Variants in PRELID3A observed in about 807,000 individuals in gnomAD.
PRELID3A encodes PRELI domain containing protein 3A.
Under a neutral mutation model 23.0 loss-of-function variants are expected in PRELID3A, and 27 were observed. The observed-to-expected ratio is 1.17, with a 90% confidence interval of 0.87 to 1.62. The LOEUF (loss-of-function observed/expected upper bound fraction) is 1.62, where lower values mean the gene tolerates loss of function less well. Among genes scored for constraint, PRELID3A ranks in the 40% most tolerant of loss-of-function variants. The pLI, the probability that PRELID3A is intolerant of heterozygous loss-of-function variation, is 0.00. For missense variants in PRELID3A, 231 were observed against 231.4 expected (o/e 1.00, Z 0.01); for synonymous variants, 87 against 86.4 (o/e 1.01, Z -0.04).
At chr18:12,409,083 G>C (rs1200728229) in intron 1 of PRELID3A, among the ~76,000 whole-genome samples, 1 of 151,254 alleles carries the variant, frequency 6.6e-6, no homozygotes, top group East Asian at 1.9e-4. Flanking sequence ...AGTACTGCGT[G>C]GAAGGAAATT....
Position 12,408,092 on chromosome 18 carries a change from C to T in PRELID3A, c.32+85C>T, listed in dbSNP as rs889318120. On this transcript the variant is annotated intron_variant, in intron 1 of 6. Coordinates refer to ENST00000440960, the MANE Select transcript of PRELID3A (RefSeq NM_001142405.2). ...CCGGCTGGAGCGGTCCAGGAAAGGCCGGACCTCACAGCGGGCCTCGCGGAG... is the reference window on the plus strand; with the variant it reads ...CCGGCTGGAGCGGTCCAGGAAAGGCTGGACCTCACAGCGGGCCTCGCGGAG... The T allele has an allele frequency of 1.7e-5, 20 of 1,147,720 alleles. No homozygotes were observed. The South Asian group carries it at 3.0e-4, about 17-fold the overall frequency. The allele number at this position is 1,147,720 out of a possible 1,614,324, so 71.1% of individuals were successfully genotyped here.
intron 1 of PRELID3A, among the ~76,000 whole-genome samples, chr18:12,414,202 C>T (rs1432823948): frequency 6.6e-6 from 1 of 151,908 alleles, no homozygotes; most frequent in Non-Finnish European, 1.5e-5. Flanking sequence ...TTCCCTCACA[C>T]AGAATATCAA....
chr18:12,420,275 GCGGCCC>G, intron 1 of PRELID3A, 44 bp from the exon 2 acceptor site: 1 of 1,541,206 alleles, frequency 6.5e-7, no homozygotes, highest in Non-Finnish European at 8.8e-7. Flanking sequence ...CTTCACCCTT[GCGGCCC>G]CGGCCCCGGC....
intron 5 of PRELID3A, among the ~76,000 whole-genome samples, chr18:12,427,550 C>T (rs541235914): frequency 4.6e-5 from 7 of 152,126 alleles, no homozygotes; most frequent in Non-Finnish European, 8.8e-5. Context: ...CAAAAATTAG[C>T]TGGGCATAGT....
At chr18:12,411,915 T>TC (rs1358301184) in intron 1 of PRELID3A, among the ~76,000 whole-genome samples, 17 of 149,640 alleles carry the variant, frequency 1.1e-4, no homozygotes, top group African/African-American at 3.9e-4. Flanking sequence ...TTTCTTTCTT[T>TC]TTTTTTTTTT....
chr18:12,424,544 C>T (rs1434983067), intron 3 of PRELID3A, among the ~76,000 whole-genome samples: 1 of 152,174 alleles, frequency 6.6e-6, no homozygotes, highest in East Asian at 1.9e-4. Flanking sequence ...ATGTAACGCC[C>T]ATACACGTGA....
chr18:12,421,189 C>T (rs992879381), intron 2 of PRELID3A: 3 of 241,216 alleles, frequency 1.2e-5, no homozygotes, highest in Non-Finnish European at 7.9e-6. Context: ...CTGCTGCCCC[C>T]AGCCTGACAC....
chr18:12,413,959 A>G (rs1324645606), intron 1 of PRELID3A, among the ~76,000 whole-genome samples: 1 of 152,210 alleles, frequency 6.6e-6, no homozygotes, highest in African/African-American at 2.4e-5. Context: ...GCACAGGCTT[A>G]CTTTGTTAAT....
intron 3 of PRELID3A, among the ~76,000 whole-genome samples, chr18:12,422,011 C>T (rs532566657): frequency 3.3e-5 from 5 of 152,010 alleles, no homozygotes; most frequent in African/African-American, 1.2e-4. Flanking sequence ...GTGGTCATAG[C>T]TCAGTGCAGC....
chr18:12,430,184 G>A (rs528001097), intron 6 of PRELID3A, among the ~76,000 whole-genome samples: 1 of 152,234 alleles, frequency 6.6e-6, no homozygotes, highest in Non-Finnish European at 1.5e-5. Flanking sequence ...CAAGCCAGGG[G>A]TGGCCATGGG....
chr18:12,413,037 C>T (rs993661427), intron 1 of PRELID3A, among the ~76,000 whole-genome samples: 2 of 152,102 alleles, frequency 1.3e-5, no homozygotes, highest in South Asian at 2.1e-4. Flanking sequence ...TGGATAAACC[C>T]CAGCCTCACA....
chr18:12,421,487 T>C, intron 2 of PRELID3A, 53 bp from the exon 3 acceptor site: 1 of 1,050,596 alleles, frequency 9.5e-7, no homozygotes, highest in Non-Finnish European at 1.5e-6. Flanking sequence ...TCGGTGGTGA[T>C]ATGAAGTAGA....
At chr18:12,421,066 C>G (rs2030165130) in intron 2 of PRELID3A, among the ~76,000 whole-genome samples, 1 of 152,206 alleles carries the variant, frequency 6.6e-6, no homozygotes, top group Non-Finnish European at 1.5e-5. Flanking sequence ...AAATGCAAAT[C>G]TGAGCACGGC....
intron 3 of PRELID3A, among the ~76,000 whole-genome samples, chr18:12,425,065 T>G (rs1376937042): frequency 2.6e-5 from 4 of 151,158 alleles, no homozygotes; most frequent in African/African-American, 9.7e-5. Flanking sequence ...ATCGCTTGAA[T>G]CTGGGAGGTG....
chr18:12,432,068 A>G lies in PRELID3A; in HGVS notation c.*952A>G, dbSNP rs2143418859. On this transcript the variant is annotated 3_prime_UTR_variant, in exon 7 of 7. Transcript: ENST00000440960. ...ATAAAAGCAACCCATGCTTATGGTT[A>G]AAAAAGAGTACAGGAGTCTGGAGTC... 6.6e-6 allele frequency: 1 copy of G among 152,282 alleles called. No homozygotes were observed. Among genetic ancestry groups the G allele is most frequent in the South Asian group, 2.1e-4 (1 of 4,834 alleles). The allele number at this position is 152,282 out of a possible 1,614,324, so 9.4% of individuals were successfully genotyped here. A position where few individuals can be genotyped will look rare whatever the true frequency, so the allele number is the denominator to read the frequency against.
intron 3 of PRELID3A, among the ~76,000 whole-genome samples, chr18:12,422,830 C>T (rs772317411): frequency 8.5e-5 from 13 of 152,282 alleles, no homozygotes; most frequent in Non-Finnish European, 1.8e-4. Context: ...TAGAAATGGG[C>T]TATGGTGGGT....
At chr18:12,430,790 G>A (rs111174210) in intron 6 of PRELID3A, among the ~76,000 whole-genome samples, 11 of 150,280 alleles carry the variant, frequency 7.3e-5, no homozygotes, top group Non-Finnish European at 1.5e-5. Context: ...TGTATGATGT[G>A]CATGTGTGTG....
chr18:12,413,679 A>T (rs1291195943), intron 1 of PRELID3A, among the ~76,000 whole-genome samples: 1 of 152,052 alleles, frequency 6.6e-6, no homozygotes, highest in Non-Finnish European at 1.5e-5. Flanking sequence ...TGCCTCCCAG[A>T]TTCAAGCAAT....
At chr18:12,427,466 G>A (rs117938598) in intron 5 of PRELID3A, 143 bp downstream of exon 5, 23,112 of 656,600 alleles carry the variant, frequency 0.035, 544 homozygotes, top group Non-Finnish European at 0.046. Context: ...GGAGGCCAAC[G>A]CAGGTGGACC....
Sources: allele counts gnomAD v4.1 joint callset (sites outside exome capture counted in the v4.1 genomes callset), GRCh38; gene constraint gnomAD v4.1.1; transcripts MANE v1.5; gene names NCBI Gene and HGNC (gene_info 2026-07-23, HGNC 2026-07-21).